Variants in TPST2 observed in about 807,000 individuals in gnomAD.
TPST2 encodes the protein protein-tyrosine sulfotransferase 2.
In TPST2, 16 loss-of-function variants were observed where a neutral mutation model predicts 27.8. The observed-to-expected ratio is 0.58, with a 90% CI of 0.39 to 0.88. The LOEUF (loss-of-function observed/expected upper bound fraction) is 0.88, where lower values mean the gene tolerates loss of function less well. TPST2 is among the 40% of genes least tolerant of loss of function. The probability of loss-of-function intolerance (pLI) is 0.00; values close to 1 mark genes in which losing one functional copy is unlikely to be tolerated. For missense variants in TPST2, 464 were observed against 543.1 expected, an observed-to-expected ratio of 0.85 and a Z score of 1.45; for synonymous variants, 229 against 231.7, an observed-to-expected ratio of 0.99 and a Z score of 0.10.
chr22:26,529,011 A>AAC (rs1555927204), intron 5 of TPST2, among the ~76,000 whole-genome samples: 93 of 146,542 alleles, frequency 6.3e-4, no homozygotes, highest in African/African-American at 2.2e-3. Context: ...CAAAAAAAAA[A>AAC]CAAAACGTAT....
chr22:26,560,978 G>C (rs1312818065), intron 1 of TPST2: 1 of 1,609,984 alleles, frequency 6.2e-7, no homozygotes, highest in African/African-American at 1.3e-5. Context: ...CTGCGAAGCT[G>C]AAGGAAAAAT....
rs1330608041 is a variant in TPST2, at chr22:26,532,475, T to C, written c.1092+220A>G. On this transcript the variant is annotated intron_variant, in intron 5 of 6. Transcript: ENST00000338754. The stretch of plus-strand genomic sequence containing the variant: ...TTTGTATTTTTAGTAGAGACGGGGT[T>C]TCACCGTTTTGGTCAGGCTGGTCTT... 4.6e-5 allele frequency among the ~76,000 whole-genome samples: 7 copies of C among 152,144 alleles called. No individual in the cohort carries two copies. The East Asian group carries it at 1.2e-3, about 25-fold the overall frequency.
At chr22:26,563,086 T>G (rs2147221791) in intron 1 of TPST2, among the ~76,000 whole-genome samples, 1 of 152,298 alleles carries the variant, frequency 6.6e-6, no homozygotes, top group African/African-American at 2.4e-5. Flanking sequence ...AGTCCTGGAT[T>G]CTACATAGCC....
intron 5 of TPST2, among the ~76,000 whole-genome samples, chr22:26,529,214 C>T (rs1022599829): frequency 5.9e-5 from 9 of 152,064 alleles, no homozygotes; most frequent in East Asian, 1.9e-4. Flanking sequence ...GCAACCTCCG[C>T]GTCCTGAGCT....
At chr22:26,540,567 C>T (rs1490075117) in intron 3 of TPST2, among the ~76,000 whole-genome samples, 1 of 152,230 alleles carries the variant, frequency 6.6e-6, no homozygotes, top group Non-Finnish European at 1.5e-5. Flanking sequence ...GACCGAGACA[C>T]TGCCTCAAAA....
chr22:26,563,617 C>A (rs1185606260), intron 1 of TPST2, among the ~76,000 whole-genome samples: 1 of 151,722 alleles, frequency 6.6e-6, no homozygotes, highest in Non-Finnish European at 1.5e-5. Context: ...GCGTGAGCCA[C>A]CACGCCCGGC....
At position 26,553,768 on chromosome 22, in the gene TPST2, T is replaced by G. The variant is rs148863892; in HGVS notation, c.-160-9093A>C. On this transcript the variant is annotated intron_variant, in intron 1 of 6. Transcript: ENST00000338754. ...TATATAAAATGATGTAATATTTGCA[T>G]AAAACCTACACGTATCCTCCCATAT... 5.9e-4 allele frequency among the ~76,000 whole-genome samples: 90 copies of G among 152,298 alleles called. 1 individual carries two copies. Among genetic ancestry groups the G allele is most frequent in the Middle Eastern group, 3.4e-3 (1 of 294 alleles).
At chr22:26,564,648 C>G (rs1424434483) in intron 1 of TPST2, among the ~76,000 whole-genome samples, 2 of 152,214 alleles carry the variant, frequency 1.3e-5, no homozygotes, top group African/African-American at 4.8e-5. Flanking sequence ...CAACAAACAG[C>G]AGCCACCACC....
At chr22:26,528,147 T>C in intron 6 of TPST2, 67 bp downstream of exon 6, 2 of 1,544,920 alleles carry the variant, frequency 1.3e-6, no homozygotes, top group South Asian at 1.2e-5. Flanking sequence ...AAAAGTGGCT[T>C]TTCAGAAAAG....
At chr22:26,560,423 T>C (rs776801521) in intron 1 of TPST2, 7 of 656,896 alleles carry the variant, frequency 1.1e-5, no homozygotes, top group Non-Finnish European at 1.6e-5. Flanking sequence ...AAATAAGATA[T>C]TGTGCATTGC....
At chr22:26,545,483 T>A (rs1176985774) in intron 1 of TPST2, among the ~76,000 whole-genome samples, 1 of 152,142 alleles carries the variant, frequency 6.6e-6, no homozygotes, top group East Asian at 1.9e-4. Context: ...GGAGTATATA[T>A]CTCCCAGTGC....
intron 1 of TPST2, among the ~76,000 whole-genome samples, chr22:26,583,478 C>T (rs1005211231): frequency 7.1e-6 from 1 of 140,704 alleles, no homozygotes; most frequent in Non-Finnish European, 1.5e-5. Flanking sequence ...CTTAAAATGG[C>T]AGACAGGGTA....
chr22:26,540,718 C>A, intron 3 of TPST2, 71 bp downstream of exon 3: 1 of 1,426,420 alleles, frequency 7.0e-7, no homozygotes, highest in Non-Finnish European at 9.3e-7. Context: ...AAAGGCAGTG[C>A]TGATTTTCTT....
chr22:26,544,308 G>A (rs111610960), intron 2 of TPST2, among the ~76,000 whole-genome samples: 86 of 152,282 alleles, frequency 5.6e-4, no homozygotes, highest in African/African-American at 1.9e-3. Context: ...AATCTGCTCC[G>A]TGACACTGGG....
intron 1 of TPST2, among the ~76,000 whole-genome samples, chr22:26,568,772 C>G (rs957232863): frequency 6.6e-6 from 1 of 152,300 alleles, no homozygotes; most frequent in East Asian, 1.9e-4. Flanking sequence ...AACCAGCAGT[C>G]CTCTGGGAGG....
intron 3 of TPST2, among the ~76,000 whole-genome samples, chr22:26,539,960 A>G (rs1171435088): frequency 6.6e-6 from 1 of 152,156 alleles, no homozygotes. Context: ...AAAGGAGATA[A>G]ACTTGTTGGG....
chr22:26,561,221 A>C (rs1927075303), intron 1 of TPST2: 2 of 1,520,112 alleles, frequency 1.3e-6, no homozygotes, highest in East Asian at 4.5e-5. Flanking sequence ...CCCTGTACAC[A>C]ACTCACTCCT....
At chr22:26,574,881 C>T (rs77561351) in intron 1 of TPST2, among the ~76,000 whole-genome samples, 16,523 of 152,152 alleles carry the variant, frequency 0.11, 971 homozygotes, top group African/African-American at 0.12. Context: ...AGGAGCCATC[C>T]TTTCCTACCC....
At chr22:26,550,354 G>T (rs954733148) in intron 1 of TPST2, among the ~76,000 whole-genome samples, 1 of 152,174 alleles carries the variant, frequency 6.6e-6, no homozygotes, top group Non-Finnish European at 1.5e-5. Context: ...AGAAGCAAAT[G>T]CCCATGATGA....
Sources: gnomAD v4.1 joint callset for allele counts (sites outside exome capture counted in the v4.1 genomes callset) on GRCh38, gnomAD v4.1.1 for gene constraint, MANE v1.5 for transcripts, NCBI Gene and HGNC (gene_info 2026-07-23, HGNC 2026-07-21) for gene names.